Variants in CDK14 observed in about 807,000 individuals in gnomAD.
CDK14 encodes the protein cyclin dependent kinase 14, also known as cyclin-dependent kinase 14.
A neutral mutation model predicts 60.7 loss-of-function variants in CDK14; 34 were observed. The ratio of observed to expected loss-of-function variants is 0.56; its 90% CI spans 0.43 to 0.75. The LOEUF (loss-of-function observed/expected upper bound fraction) is 0.75. CDK14 is among the 30% of genes least tolerant of loss of function. The pLI, the probability that CDK14 is intolerant of heterozygous loss-of-function variation, is 0.00. For synonymous variants in CDK14, 197 were observed against 203.7 expected, an observed-to-expected ratio of 0.97 and a Z score of 0.28; for missense variants, 482 against 564.1, an observed-to-expected ratio of 0.85 and a Z score of 1.47.
At chr7:90,651,422 T>G (rs1584770179) in intron 2 of CDK14, among the ~76,000 whole-genome samples, 2 of 152,236 alleles carry the variant, frequency 1.3e-5, no homozygotes, top group East Asian at 3.9e-4. Flanking sequence ...ACATCTCCCT[T>G]TGTGTTTCTT....
At chr7:90,600,392 G>C (rs563095105) in intron 1 of CDK14, among the ~76,000 whole-genome samples, 2 of 152,182 alleles carry the variant, frequency 1.3e-5, no homozygotes, top group African/African-American at 4.8e-5. Flanking sequence ...GTATGATTAA[G>C]GTCAAACTGA....
chr7:90,908,916 C>T (rs1441862411), intron 7 of CDK14, among the ~76,000 whole-genome samples: 1 of 152,092 alleles, frequency 6.6e-6, no homozygotes, highest in Non-Finnish European at 1.5e-5. Flanking sequence ...GATCTATCAC[C>T]TTTGTCAATT....
chr7:90,639,450 G>A (rs767486102), intron 2 of CDK14, among the ~76,000 whole-genome samples: 17 of 152,182 alleles, frequency 1.1e-4, no homozygotes, highest in Admixed American at 5.2e-4. Context: ...GCAGATTTTC[G>A]TGTTACATGA....
chr7:90,880,186 G>A (rs1340677118), intron 6 of CDK14, among the ~76,000 whole-genome samples: 1 of 152,220 alleles, frequency 6.6e-6, no homozygotes, highest in Non-Finnish European at 1.5e-5. Flanking sequence ...TGCCAAACAT[G>A]CTAAGCTCCC....
chr7:90,621,655 T>TTCCTG (rs1554421119), intron 2 of CDK14, among the ~76,000 whole-genome samples: 6,321 of 110,842 alleles, frequency 0.057, 280 homozygotes, highest in East Asian at 0.21. Context: ...CTTCCTTCCT[T>TTCCTG]CCTTCCTTCC....
chr7:90,897,579 A>T (rs1458369870), intron 6 of CDK14, among the ~76,000 whole-genome samples: 3 of 152,092 alleles, frequency 2.0e-5, no homozygotes, highest in Non-Finnish European at 4.4e-5. Flanking sequence ...CTGGCTTCAA[A>T]AACAAATGTT....
chr7:91,191,272 G>A (rs1238588877), intron 14 of CDK14, among the ~76,000 whole-genome samples: 1 of 152,010 alleles, frequency 6.6e-6, no homozygotes, highest in Non-Finnish European at 1.5e-5. Context: ...ATACACCACT[G>A]AAACAATCAC....
chr7:90,796,225 C>A (rs576185045), intron 5 of CDK14, among the ~76,000 whole-genome samples: 8 of 151,830 alleles, frequency 5.3e-5, no homozygotes, highest in Non-Finnish European at 1.2e-4. Flanking sequence ...TAGAGTTGGG[C>A]ATATTAGGGA....
At chr7:90,717,655 A>G (rs1162604972) in intron 2 of CDK14, among the ~76,000 whole-genome samples, 1 of 152,138 alleles carries the variant, frequency 6.6e-6, no homozygotes, top group Non-Finnish European at 1.5e-5. Flanking sequence ...AAGTGTTTTC[A>G]TGACTGGAAA....
chr7:90,880,385 C>T (rs1227202808), intron 6 of CDK14, among the ~76,000 whole-genome samples: 1 of 152,158 alleles, frequency 6.6e-6, no homozygotes, highest in Admixed American at 6.5e-5. Context: ...GGCTTCCCTG[C>T]AGGATCTCCA....
intron 7 of CDK14, among the ~76,000 whole-genome samples, chr7:90,916,608 T>C (rs1024644362): frequency 4.6e-5 from 7 of 152,344 alleles, no homozygotes; most frequent in African/African-American, 1.7e-4. Context: ...TTACAACTCA[T>C]TTAAAATTGC....
At chr7:90,987,583 T>C (rs1052144912) in intron 10 of CDK14, among the ~76,000 whole-genome samples, 3 of 152,122 alleles carry the variant, frequency 2.0e-5, no homozygotes, top group Non-Finnish European at 4.4e-5. Flanking sequence ...TGTTATCAAC[T>C]TAAATATTTT....
chr7:91,002,253 T>G (rs1795858674), intron 10 of CDK14, among the ~76,000 whole-genome samples: 2 of 152,208 alleles, frequency 1.3e-5, no homozygotes, highest in South Asian at 4.1e-4. Flanking sequence ...AGGAACATAC[T>G]ATGAGAAGCA....
intron 5 of CDK14, among the ~76,000 whole-genome samples, chr7:90,842,887 A>G (rs763425760): frequency 3.3e-5 from 5 of 152,160 alleles, no homozygotes; most frequent in Admixed American, 6.6e-5. Context: ...AAGAGATAAA[A>G]CATTTCCTAA....
At chr7:90,790,529 G>A (rs753337958) in intron 4 of CDK14, 44 bp from the exon 5 acceptor site, 5 of 1,272,194 alleles carry the variant, frequency 3.9e-6, no homozygotes, top group Non-Finnish European at 5.7e-6. Flanking sequence ...GAACTATAAT[G>A]GGCACATATT....
intron 10 of CDK14, among the ~76,000 whole-genome samples, chr7:91,007,565 CAG>C (rs1248183902): frequency 6.6e-6 from 1 of 152,088 alleles, no homozygotes; most frequent in Non-Finnish European, 1.5e-5. Context: ...TAACTGTTAC[CAG>C]TAATTGGCAG....
intron 5 of CDK14, among the ~76,000 whole-genome samples, chr7:90,858,818 T>C (rs1204125902): frequency 6.6e-6 from 1 of 152,188 alleles, no homozygotes; most frequent in Admixed American, 6.5e-5. Flanking sequence ...GAAAGCTAGC[T>C]ACCTAATAAA....
At chr7:90,792,556 C>T (rs1446173133) in intron 5 of CDK14, among the ~76,000 whole-genome samples, 1 of 152,162 alleles carries the variant, frequency 6.6e-6, no homozygotes, top group African/African-American at 2.4e-5. Flanking sequence ...GTAATAGCAG[C>T]ATCCAGTGCT....
At chr7:90,608,481 A>G in intron 2 of CDK14, 1 of 811,986 alleles carries the variant, frequency 1.2e-6, no homozygotes, top group Non-Finnish European at 1.5e-6. Flanking sequence ...CTCATGGGTA[A>G]ATTAAAAGGT....
Sources: allele counts gnomAD v4.1 joint callset (sites outside exome capture counted in the v4.1 genomes callset), GRCh38; gene constraint gnomAD v4.1.1; transcripts MANE v1.5; gene names NCBI Gene and HGNC (gene_info 2026-07-23, HGNC 2026-07-21).